PDZRN4: variants seen among roughly 807,000 people sequenced by gnomAD.
The protein encoded by PDZRN4 is PDZ domain containing ring finger 4, also known as PDZ domain-containing RING finger protein 4.
Under a neutral mutation model 99.0 loss-of-function variants are expected in PDZRN4, and 70 were observed. That is an observed-to-expected ratio of 0.71 (90% CI 0.58 to 0.86). PDZRN4 has a LOEUF of 0.86. PDZRN4 is among the 40% of genes least tolerant of loss of function. PDZRN4 has a pLI of 0.00. For synonymous variants in PDZRN4, 551 were observed against 501.6 expected (o/e 1.10, Z -1.32); for missense variants, 1,474 against 1,331.2 (o/e 1.11, Z -1.67).
chr12:41,387,378 G>A (rs752061113), intron 3 of PDZRN4, among the ~76,000 whole-genome samples: 5 of 152,106 alleles, frequency 3.3e-5, no homozygotes, highest in Non-Finnish European at 4.4e-5. Context: ...AAGCTCAGGA[G>A]TTTGCAACCA....
intron 3 of PDZRN4, among the ~76,000 whole-genome samples, chr12:41,320,477 T>C (rs1951668554): frequency 6.6e-6 from 1 of 152,220 alleles, no homozygotes; most frequent in Admixed American, 6.5e-5. Context: ...TTATCTGGGA[T>C]GTTGTTAGAA....
intron 3 of PDZRN4, among the ~76,000 whole-genome samples, chr12:41,483,121 A>G (rs1311828119): frequency 6.6e-6 from 1 of 152,084 alleles, no homozygotes; most frequent in East Asian, 1.9e-4. Flanking sequence ...CCTATATTCC[A>G]GCTCAGCCTT....
intron 3 of PDZRN4, among the ~76,000 whole-genome samples, chr12:41,459,462 C>T (rs940009417): frequency 6.6e-6 from 1 of 152,202 alleles, no homozygotes; most frequent in African/African-American, 2.4e-5. Context: ...AAATTGGAAG[C>T]ATGCCTTTGC....
At chr12:41,437,329 T>TA (rs1952638586) in intron 3 of PDZRN4, among the ~76,000 whole-genome samples, 2 of 152,188 alleles carry the variant, frequency 1.3e-5, no homozygotes, top group Non-Finnish European at 2.9e-5. Flanking sequence ...TTAATAATGC[T>TA]AAAAATATTT....
intron 3 of PDZRN4, among the ~76,000 whole-genome samples, chr12:41,491,477 A>G (rs1051694307): frequency 6.6e-6 from 1 of 152,100 alleles, no homozygotes; most frequent in Non-Finnish European, 1.5e-5. Flanking sequence ...AGCCAAGATC[A>G]TGCCACTGCA....
At chr12:41,318,171 A>G (rs1951651898) in intron 3 of PDZRN4, among the ~76,000 whole-genome samples, 1 of 152,168 alleles carries the variant, frequency 6.6e-6, no homozygotes, top group Non-Finnish European at 1.5e-5. Context: ...ATTATTGCCT[A>G]GATTTGAGTC....
intron 5 of PDZRN4, among the ~76,000 whole-genome samples, chr12:41,549,399 AC>A (rs1357020905): frequency 1.3e-5 from 2 of 152,204 alleles, no homozygotes. Context: ...CCTCCTACAA[AC>A]AAAATTGTCT....
At chr12:41,414,547 G>GA (rs965793142) in intron 3 of PDZRN4, among the ~76,000 whole-genome samples, 1 of 150,522 alleles carries the variant, frequency 6.6e-6, no homozygotes, top group Non-Finnish European at 1.5e-5. Context: ...ATTTTTGTCT[G>GA]AAAAAAATAA....
chr12:41,262,330 T>C (rs1951246018), intron 3 of PDZRN4, among the ~76,000 whole-genome samples: 1 of 152,228 alleles, frequency 6.6e-6, no homozygotes, highest in African/African-American at 2.4e-5. Context: ...TGCTGGCCCT[T>C]GTCTGATGTG....
At chr12:41,237,454 T>G (rs898185879) in intron 3 of PDZRN4, among the ~76,000 whole-genome samples, 1 of 152,190 alleles carries the variant, frequency 6.6e-6, no homozygotes, top group African/African-American at 2.4e-5. Flanking sequence ...ATTTTATTGC[T>G]ACTGTATTCC....
chr12:41,423,457 T>C (rs10735998), intron 3 of PDZRN4, among the ~76,000 whole-genome samples: 78,888 of 151,642 alleles, frequency 0.52, 21,159 homozygotes, highest in African/African-American at 0.67. Flanking sequence ...CATCCATGTC[T>C]CCGCAAAGGG....
At chr12:41,548,193 G>T (rs1008710547) in intron 5 of PDZRN4, among the ~76,000 whole-genome samples, 26 of 152,260 alleles carry the variant, frequency 1.7e-4, no homozygotes, top group Non-Finnish European at 3.1e-4. Flanking sequence ...TATTCCAGGA[G>T]TTTCGTGATT....
At chr12:41,198,607 T>G in intron 3 of PDZRN4, among the ~76,000 whole-genome samples, 1 of 119,214 alleles carries the variant, frequency 8.4e-6, no homozygotes, top group African/African-American at 3.2e-5. Context: ...CTGGGGACTG[T>G]TGTGGGGTGG....
In PDZRN4 at chr12:41,537,522, G is replaced by A. The variant is rs140180755; in HGVS notation, c.1204-15134G>A. On this transcript the variant is annotated intron_variant, in intron 5 of 9. Coordinates refer to ENST00000402685, the MANE Select transcript of PDZRN4 (RefSeq NM_001164595.2). Reference sequence around the variant, plus strand: ...GTTCCTACTTCAGTTTGGCTAGGTCGTCAGATGTGTGAGTGGAATAGTAGC... The same window carrying A: ...GTTCCTACTTCAGTTTGGCTAGGTCATCAGATGTGTGAGTGGAATAGTAGC... Among the ~76,000 whole-genome samples, 256 of 152,232 alleles carry A rather than the reference G, an allele frequency of 1.7e-3. 1 individual carries two copies. The highest frequency in any genetic ancestry group is 2.9e-3 in the Non-Finnish European group (194 of 68,014).
chr12:41,402,356 GTGTGTATATATA>G (rs1952300995), intron 3 of PDZRN4, among the ~76,000 whole-genome samples: 2 of 4 alleles, frequency 0.5, 1 homozygote, highest in African/African-American at 1. Flanking sequence ...TATACACACA[GTGTGTATATATA>G]TATATACACA....
intron 3 of PDZRN4, among the ~76,000 whole-genome samples, chr12:41,450,257 GA>G (rs137978537): frequency 4.6e-5 from 7 of 152,028 alleles, no homozygotes; most frequent in African/African-American, 7.2e-5. Flanking sequence ...TTTGAACCAT[GA>G]AAAATATATG....
intron 3 of PDZRN4, among the ~76,000 whole-genome samples, chr12:41,339,058 A>G (rs1438648385): frequency 6.6e-6 from 1 of 152,010 alleles, no homozygotes; most frequent in Non-Finnish European, 1.5e-5. Flanking sequence ...CTTCACAGAA[A>G]TAGAAAAAAA....
At chr12:41,306,300 C>T (rs1302451419) in intron 3 of PDZRN4, among the ~76,000 whole-genome samples, 1 of 152,204 alleles carries the variant, frequency 6.6e-6, no homozygotes, top group East Asian at 1.9e-4. Context: ...TGGCTTTGAC[C>T]AGAGACTGTT....
chr12:41,261,585 G>A (rs552803771), intron 3 of PDZRN4, among the ~76,000 whole-genome samples: 73 of 152,258 alleles, frequency 4.8e-4, no homozygotes, highest in African/African-American at 1.7e-3. Context: ...TGCCTCCCGG[G>A]TTCACGCCAT....
Sources: gnomAD v4.1 joint callset for allele counts (sites outside exome capture counted in the v4.1 genomes callset) on GRCh38, gnomAD v4.1.1 for gene constraint, MANE v1.5 for transcripts, NCBI Gene and HGNC (gene_info 2026-07-23, HGNC 2026-07-21) for gene names.